The following HEMK2 variants were observed in gnomAD, a reference collection of about 807,000 sequenced individuals.
HEMK2 encodes methyltransferase HEMK2.
At chr21:28,778,949 A>G in the HEMK2 span, among the ~76,000 whole-genome samples, 1 of 152,142 alleles carries the variant, frequency 6.6e-6, no homozygotes, top group Admixed American at 6.5e-5. Flanking sequence ...GATCCAACTT[A>G]ATCGATTTTT....
At chr21:28,831,656 AAAG>A in the HEMK2 span, among the ~76,000 whole-genome samples, 3 of 32,686 alleles carry the variant, frequency 9.2e-5, no homozygotes, top group Admixed American at 3.2e-4. Context: ...AGAAAGAAAG[AAAG>A]AAAGAAAGAA....
At chr21:28,658,982 G>A in the HEMK2 span, among the ~76,000 whole-genome samples, 15 of 152,082 alleles carry the variant, frequency 9.9e-5, no homozygotes, top group Non-Finnish European at 1.8e-4. Context: ...ACAGTGTTGA[G>A]TAGGTATAAT....
the HEMK2 span, among the ~76,000 whole-genome samples, chr21:28,665,223 C>T: frequency 2.0e-5 from 3 of 151,006 alleles, no homozygotes; most frequent in South Asian, 2.1e-4. Flanking sequence ...TGAGACGTCG[C>T]GATCTCATCA....
chr21:28,734,320 C>T, the HEMK2 span, among the ~76,000 whole-genome samples: 3 of 152,190 alleles, frequency 2.0e-5, no homozygotes, highest in South Asian at 2.1e-4. Flanking sequence ...CATGAGTACA[C>T]CACTGAAATG....
chr21:28,646,779 G>T, the HEMK2 span, among the ~76,000 whole-genome samples: 1 of 152,294 alleles, frequency 6.6e-6, no homozygotes, highest in African/African-American at 2.4e-5. Context: ...CATGTATGTG[G>T]CCTCTCCATT....
At chr21:28,739,741 T>A in the HEMK2 span, among the ~76,000 whole-genome samples, 497 of 152,354 alleles carry the variant, frequency 3.3e-3, 2 homozygotes, top group African/African-American at 0.011. Context: ...TTAACAATTC[T>A]GTTTTTCAGC....
At chr21:28,714,883 C>T in the HEMK2 span, among the ~76,000 whole-genome samples, 1 of 152,130 alleles carries the variant, frequency 6.6e-6, no homozygotes, top group African/African-American at 2.4e-5. Context: ...TAAGCAAGAA[C>T]ATGTGATATT....
the HEMK2 span, among the ~76,000 whole-genome samples, chr21:28,717,443 TG>T: frequency 6.6e-6 from 1 of 151,994 alleles, no homozygotes; most frequent in Non-Finnish European, 1.5e-5. Flanking sequence ...GAGGATCTTT[TG>T]TATTTCTATG....
At chr21:28,812,953 T>A in the HEMK2 span, among the ~76,000 whole-genome samples, 1 of 152,208 alleles carries the variant, frequency 6.6e-6, no homozygotes, top group South Asian at 2.1e-4. Flanking sequence ...CTGATGGTAG[T>A]TTGTATTTCT....
the HEMK2 span, among the ~76,000 whole-genome samples, chr21:28,834,472 G>C: frequency 6.6e-6 from 1 of 152,198 alleles, no homozygotes; most frequent in South Asian, 2.1e-4. Context: ...GTGAAATTCA[G>C]GGGCAGAGGA....
the HEMK2 span, among the ~76,000 whole-genome samples, chr21:28,777,408 A>T: frequency 6.6e-6 from 1 of 152,178 alleles, no homozygotes; most frequent in East Asian, 1.9e-4. Flanking sequence ...AGCTCCCAAA[A>T]TTGACTTCTC....
At chr21:28,814,401 G>C in the HEMK2 span, among the ~76,000 whole-genome samples, 1 of 151,646 alleles carries the variant, frequency 6.6e-6, no homozygotes, top group Admixed American at 6.6e-5. Context: ...TTAAACTAAA[G>C]AGCTTCTGCA....
the HEMK2 span, among the ~76,000 whole-genome samples, chr21:28,879,090 TTTTTTTTTTTTA>T: frequency 2.7e-5 from 1 of 37,092 alleles, no homozygotes; most frequent in African/African-American, 9.5e-5. Flanking sequence ...CTTTTTTTTT[TTTTTTTTTTTTA>T]GAGACAGGGT....
At chr21:28,862,434 T>G in the HEMK2 span, among the ~76,000 whole-genome samples, 1 of 146,800 alleles carries the variant, frequency 6.8e-6, no homozygotes, top group Non-Finnish European at 1.5e-5. Flanking sequence ...GGTCAGGAGA[T>G]CAAGACCATC....
At chr21:28,651,918 C>T in the HEMK2 span, among the ~76,000 whole-genome samples, 1 of 152,182 alleles carries the variant, frequency 6.6e-6, no homozygotes, top group African/African-American at 2.4e-5. Context: ...CAGTCCACAA[C>T]ATACCACATT....
the HEMK2 span, chr21:28,885,177 A>G: frequency 1.3e-6 from 2 of 1,516,724 alleles, no homozygotes; most frequent in Non-Finnish European, 8.9e-7. Flanking sequence ...GAAAGCCGCA[A>G]CCCTTTCCCG....
At chr21:28,687,329 C>T in the HEMK2 span, among the ~76,000 whole-genome samples, 2 of 152,162 alleles carry the variant, frequency 1.3e-5, no homozygotes, top group African/African-American at 2.4e-5. Context: ...TTGGACACAC[C>T]GTCTCTTTGG....
the HEMK2 span, among the ~76,000 whole-genome samples, chr21:28,664,909 G>T: frequency 2.6e-5 from 4 of 152,096 alleles, no homozygotes; most frequent in Non-Finnish European, 4.4e-5. Flanking sequence ...TTAAAAGTTT[G>T]TAAGACTAAT....
the HEMK2 span, among the ~76,000 whole-genome samples, chr21:28,868,273 C>CA: frequency 2.6e-5 from 4 of 152,124 alleles, no homozygotes; most frequent in African/African-American, 9.7e-5. Context: ...ATGAAAAACA[C>CA]TTTTGAGATT....
Sources: allele counts gnomAD v4.1 joint callset (sites outside exome capture counted in the v4.1 genomes callset), GRCh38; gene constraint gnomAD v4.1.1; transcripts MANE v1.5; gene names NCBI Gene and HGNC (gene_info 2026-07-23, HGNC 2026-07-21).